The following DGKB variants were observed in gnomAD, a reference collection of about 807,000 sequenced individuals.
DGKB encodes 90 kDa diacylglycerol kinase.
A neutral mutation model predicts 114.3 loss-of-function variants in DGKB; 67 were observed. The ratio of observed to expected loss-of-function variants is 0.59; its 90% CI spans 0.48 to 0.72. DGKB has a LOEUF of 0.72. Among genes scored for constraint, DGKB ranks in the 30% least tolerant of loss-of-function variants. DGKB has a pLI of 0.00. For synonymous variants in DGKB, 398 were observed against 323.1 expected, an observed-to-expected ratio of 1.23 and a Z score of -2.49; for missense variants, 907 against 975.2, an observed-to-expected ratio of 0.93 and a Z score of 0.93.
chr7:14,924,328 A>G (rs546399693), intron 1 of DGKB, among the ~76,000 whole-genome samples: 66 of 152,212 alleles, frequency 4.3e-4, no homozygotes, highest in African/African-American at 1.5e-3. Context: ...TAGAAGGCAA[A>G]TTCTATTTTC....
intron 1 of DGKB, among the ~76,000 whole-genome samples, chr7:14,915,456 C>T (rs184833769): frequency 7.4e-4 from 112 of 152,148 alleles, no homozygotes; most frequent in African/African-American, 2.1e-3. Context: ...TAATGGCAGA[C>T]GCTAAACCAC....
At position 14,844,800 on chromosome 7, in the gene DGKB, G is replaced by A. The variant is rs546480743; in HGVS notation, c.-187-3350C>T. Among the ~76,000 whole-genome samples the A allele has an allele frequency of 3.3e-5, 5 of 152,072 alleles. No individual in the cohort carries two copies. The East Asian group carries it at 9.7e-4, about 29-fold the overall frequency. On this transcript the variant is annotated intron_variant, in intron 1 of 25. Coordinates refer to ENST00000402815, the MANE Select transcript of DGKB (RefSeq NM_001350709.2). The stretch of plus-strand genomic sequence containing the variant: ...ATTATATCTTTCCACCTGCCTACCT[G>A]CTCTGAAATTAATTAAAATCCCCCA...
intron 21 of DGKB, among the ~76,000 whole-genome samples, chr7:14,370,965 C>T (rs1365620672): frequency 6.6e-6 from 1 of 152,098 alleles, no homozygotes; most frequent in Non-Finnish European, 1.5e-5. Context: ...TGACCTCCAG[C>T]TACATATATA....
intron 20 of DGKB, among the ~76,000 whole-genome samples, chr7:14,549,795 T>C (rs906037158): frequency 4.6e-5 from 7 of 152,130 alleles, no homozygotes; most frequent in Non-Finnish European, 8.8e-5. Context: ...GAGACCATCC[T>C]GGCCAACATA....
intron 21 of DGKB, among the ~76,000 whole-genome samples, chr7:14,385,130 A>C (rs1820110929): frequency 6.6e-6 from 1 of 152,178 alleles, no homozygotes; most frequent in African/African-American, 2.4e-5. Flanking sequence ...TTAGTAGCTC[A>C]AAGTTTTCCA....
At position 14,369,657 on chromosome 7, in the gene DGKB, T is replaced by C. The variant is rs376224300; in HGVS notation, c.1836-24266A>G. 2.6e-5 allele frequency among the ~76,000 whole-genome samples: 4 copies of C among 152,236 alleles called. No individual in the cohort carries two copies. In the East Asian group the frequency reaches 7.7e-4, roughly 29 times the overall value. Reference sequence around the variant, plus strand: ...ATCCCATTGTGGTTTTGATTTGCATTTCTGTAATGACCAGTGATGATTATC... The same window carrying C: ...ATCCCATTGTGGTTTTGATTTGCATCTCTGTAATGACCAGTGATGATTATC... On this transcript the variant is annotated intron_variant, in intron 21 of 25. Coordinates refer to ENST00000402815, the MANE Select transcript of DGKB (RefSeq NM_001350709.2).
At chr7:14,149,299 A>G (rs1456751888) in intron 25 of DGKB, 61 bp from the exon 26 acceptor site, 2 of 1,258,312 alleles carry the variant, frequency 1.6e-6, no homozygotes, top group East Asian at 2.3e-5. Flanking sequence ...TAGATACAAT[A>G]CCAATTTGTG....
intron 25 of DGKB, among the ~76,000 whole-genome samples, chr7:14,170,185 G>GA (rs1310841295): frequency 7.2e-6 from 1 of 139,152 alleles, no homozygotes; most frequent in South Asian, 2.2e-4. Context: ...AAGAAAGAAA[G>GA]AAAGAAAGAA....
Position 14,621,491 on chromosome 7 carries a change from T to C in DGKB, c.1171A>G (p.Arg391Gly). The change falls in exon 15 of 26, where the codon AGA (arginine) becomes GGA (glycine). Residue 391 changes from arginine to glycine, a missense_variant. Around this residue, in one of 3 missense-constraint regions of DGKB, gnomAD observed 814 missense variants for 856.6 expected, o/e 0.95. Coordinates refer to ENST00000402815, the MANE Select transcript of DGKB (RefSeq NM_001350709.2). ...PTSGVSVPEE[R>G]QSTVKKEKSG... ...TTTTCCTTTTTCACTGTTGATTGTC[T>C]TTCCTGTAAAAAAGAAAATTTTGAT... The C allele has an allele frequency of 6.3e-7, 1 of 1,577,200 alleles. No individual in the cohort carries two copies. Among genetic ancestry groups the C allele is most frequent in the South Asian group, 1.2e-5 (1 of 84,070 alleles).
intron 5 of DGKB, among the ~76,000 whole-genome samples, chr7:14,723,509 G>A (rs1243097865): frequency 1.3e-5 from 2 of 151,736 alleles, no homozygotes; most frequent in Non-Finnish European, 2.9e-5. Context: ...CTTGCCCTAG[G>A]CTATACTACT....
intron 2 of DGKB, among the ~76,000 whole-genome samples, chr7:14,820,946 T>C (rs999498262): frequency 6.6e-6 from 1 of 152,158 alleles, no homozygotes; most frequent in Non-Finnish European, 1.5e-5. Context: ...ACCAGGCTTT[T>C]TAGAAACAAC....
intron 21 of DGKB, among the ~76,000 whole-genome samples, chr7:14,351,070 C>CTTGAAGCATAACA (rs74281309): frequency 6.6e-6 from 1 of 151,874 alleles, no homozygotes; most frequent in Non-Finnish European, 1.5e-5. Flanking sequence ...ATGGCATAGC[C>CTTGAAGCATAACA]GGAATTTGGA....
At chr7:14,375,134 T>A (rs954658995) in intron 21 of DGKB, among the ~76,000 whole-genome samples, 8 of 152,150 alleles carry the variant, frequency 5.3e-5, no homozygotes, top group Non-Finnish European at 8.8e-5. Context: ...GAGATACTTT[T>A]GGAGCATTGG....
chr7:14,231,577 T>TATA (rs1491194734), intron 23 of DGKB, among the ~76,000 whole-genome samples: 4 of 143,052 alleles, frequency 2.8e-5, no homozygotes, highest in African/African-American at 7.5e-5. Flanking sequence ...TTTATGTGTG[T>TATA]ATATGTTTAT....
chr7:14,304,560 CAGATTGTTTTCTTTTCGATAACT>C (rs1432939246), intron 23 of DGKB, among the ~76,000 whole-genome samples: 1 of 152,142 alleles, frequency 6.6e-6, no homozygotes, highest in Admixed American at 6.6e-5. Flanking sequence ...ACAGCCCAAA[CAGATTGTTTTCTTTTCGATAACT>C]AGCCAATGCT....
chr7:14,929,022 T>TATAC (rs71548101), intron 1 of DGKB, among the ~76,000 whole-genome samples: 3 of 146,750 alleles, frequency 2.0e-5, no homozygotes, highest in African/African-American at 7.5e-5. Flanking sequence ...GCATTGTGTA[T>TATAC]ACACACACAC....
intron 23 of DGKB, chr7:14,191,285 G>A (rs1329533687): frequency 6.4e-6 from 1 of 155,094 alleles, no homozygotes; most frequent in Middle Eastern, 2.1e-3. Flanking sequence ...AGCCAGAAAA[G>A]GTACAAAGAA....
intron 2 of DGKB, among the ~76,000 whole-genome samples, chr7:14,767,126 C>A (rs1836571571): frequency 6.7e-6 from 1 of 148,176 alleles, no homozygotes; most frequent in African/African-American, 2.5e-5. Flanking sequence ...GAAGTGAAGG[C>A]AAGATAAATT....
At chr7:14,485,620 C>T (rs763736903) in intron 20 of DGKB, among the ~76,000 whole-genome samples, 4 of 151,512 alleles carry the variant, frequency 2.6e-5, no homozygotes, top group Non-Finnish European at 5.9e-5. Flanking sequence ...GACACCTGGC[C>T]GGGTGCGGTG....
Sources: allele counts gnomAD v4.1 joint callset (sites outside exome capture counted in the v4.1 genomes callset), GRCh38; gene constraint gnomAD v4.1.1; regional missense constraint gnomAD v4.1.1; transcripts MANE v1.5; gene names NCBI Gene and HGNC (gene_info 2026-07-23, HGNC 2026-07-21).